Variants in CDH12 observed in about 807,000 individuals in gnomAD.
The protein encoded by CDH12 is cadherin-12.
In CDH12, 41 loss-of-function variants were observed where a neutral mutation model predicts 74.1. The ratio of observed to expected loss-of-function variants is 0.55; its 90% CI spans 0.43 to 0.72. CDH12 has a LOEUF of 0.72. Ranked by LOEUF, CDH12 falls within the 30% of genes least tolerant of loss-of-function variation. The pLI, the probability that CDH12 is intolerant of heterozygous loss-of-function variation, is 0.00. For synonymous variants in CDH12, 399 were observed against 355.0 expected (o/e 1.12, Z -1.39); for missense variants, 945 against 977.2 (o/e 0.97, Z 0.44).
Position 22,415,645 on chromosome 5 carries a change from G to C in CDH12, c.-427-10294C>G, listed in dbSNP as rs781215679. On this transcript the variant is annotated intron_variant, in intron 2 of 14. Transcript: ENST00000382254. ...ATTAGGAACAGGGCTGCCCTGCTGAGAGGCAGCGGGCCCCAGAAAAATGAG... is the reference window on the plus strand; with the variant it reads ...ATTAGGAACAGGGCTGCCCTGCTGACAGGCAGCGGGCCCCAGAAAAATGAG... Among the ~76,000 whole-genome samples the C allele has an allele frequency of 1.1e-4, 17 of 152,324 alleles. No individual in the cohort carries two copies. The Middle Eastern group carries it at 0.017, about 152-fold the overall frequency.
In CDH12 at chr5:22,348,339, C is replaced by T. The variant is rs1345533104; in HGVS notation, c.-333+56918G>A. On this transcript the variant is annotated intron_variant, in intron 3 of 14. Transcript: ENST00000382254. ...GAGGTTATTGTCAGTTTCCTGAAAT[C>T]GTGTATCCTAAGCTCCATTTATTTT... Among the ~76,000 whole-genome samples the T allele has an allele frequency of 9.2e-5, 14 of 152,286 alleles. No individual in the cohort carries two copies. The East Asian group carries it at 2.3e-3, about 25-fold the overall frequency.
intron 3 of CDH12, among the ~76,000 whole-genome samples, chr5:22,378,857 A>G (rs558714220): frequency 6.6e-5 from 10 of 152,246 alleles, no homozygotes; most frequent in African/African-American, 2.2e-4. Context: ...CCTAGGTCAT[A>G]AAGTATAATG....
chr5:22,693,597 T>C (rs905794204), intron 1 of CDH12, among the ~76,000 whole-genome samples: 5 of 152,158 alleles, frequency 3.3e-5, no homozygotes, highest in Non-Finnish European at 7.4e-5. Context: ...GTTGTACTCA[T>C]AAACCCAGTA....
rs200159822 is a variant in CDH12 at position 21,833,305 on chromosome 5, ATGT to A, written c.814+8853_814+8855del. Among the ~76,000 whole-genome samples the A allele has an allele frequency of 4.3e-4, 16 of 37,342 alleles. 1 individual carries two copies. Among genetic ancestry groups the A allele is most frequent in the Non-Finnish European group, 5.5e-4 (15 of 27,420 alleles). 24.5% of individuals were successfully genotyped at this position (37,342 alleles called of 152,430 possible). A position where few individuals can be genotyped will look rare whatever the true frequency, so the allele number is the denominator to read the frequency against. On this transcript the variant is annotated intron_variant, in intron 8 of 14. Transcript: ENST00000382254. ...TTATATAACATATAATATATATTAT[ATGT>A]TATATGTTATATAATATATATTATA...
chr5:22,187,587 A>G (rs1377581847), intron 4 of CDH12, among the ~76,000 whole-genome samples: 2 of 149,372 alleles, frequency 1.3e-5, no homozygotes, highest in Non-Finnish European at 3.0e-5. Context: ...GGCTGCCTAC[A>G]TTTCTTCCTG....
intron 8 of CDH12, among the ~76,000 whole-genome samples, chr5:21,837,655 A>G (rs1240063809): frequency 6.6e-6 from 1 of 152,186 alleles, no homozygotes; most frequent in Non-Finnish European, 1.5e-5. Flanking sequence ...ATATTCCTGC[A>G]AAAAGAGCAT....
At chr5:22,466,860 C>T (rs1745753360) in intron 2 of CDH12, among the ~76,000 whole-genome samples, 1 of 137,404 alleles carries the variant, frequency 7.3e-6, no homozygotes, top group Non-Finnish European at 1.5e-5. Context: ...GCAGTCTCGG[C>T]TCACTGCAAC....
chr5:22,840,212 C>T (rs1229033315), intron 1 of CDH12, among the ~76,000 whole-genome samples: 1 of 152,148 alleles, frequency 6.6e-6, no homozygotes, highest in Non-Finnish European at 1.5e-5. Flanking sequence ...CCTCTGCCTC[C>T]TGGGTTCAAG....
At chr5:22,439,899 G>C (rs1744556589) in intron 2 of CDH12, among the ~76,000 whole-genome samples, 1 of 151,916 alleles carries the variant, frequency 6.6e-6, no homozygotes, top group Non-Finnish European at 1.5e-5. Flanking sequence ...ATATAATAGG[G>C]AGCTCTTTGA....
intron 3 of CDH12, among the ~76,000 whole-genome samples, chr5:22,377,403 G>C (rs949366797): frequency 2.0e-5 from 3 of 152,100 alleles, no homozygotes; most frequent in Non-Finnish European, 4.4e-5. Context: ...CATGAACAGT[G>C]CCAGCTTTAC....
rs192402829 is a variant in CDH12 at position 22,593,497 on chromosome 5, C to T, written c.-522-88133G>A. Among the ~76,000 whole-genome samples the T allele has an allele frequency of 3.3e-5, 5 of 152,212 alleles. No individual in the cohort carries two copies. In the East Asian group the frequency reaches 9.7e-4, roughly 29 times the overall value. ...TTACCTTTCAAATTTTCTTATCCTT[C>T]CAATTTTACATCTCAACTCTCTGCT... On this transcript the variant is annotated intron_variant, in intron 1 of 14. Coordinates refer to ENST00000382254, the MANE Select transcript of CDH12 (RefSeq NM_004061.5).
chr5:21,893,590 T>C (rs7737957), intron 6 of CDH12, among the ~76,000 whole-genome samples: 146,990 of 152,262 alleles, frequency 0.97, 71,132 homozygotes, highest in Non-Finnish European at 1. Flanking sequence ...TTCAACTTTT[T>C]GAAAATAAGA....
intron 8 of CDH12, among the ~76,000 whole-genome samples, chr5:21,838,467 G>A (rs1561230346): frequency 6.6e-6 from 1 of 152,108 alleles, no homozygotes; most frequent in Non-Finnish European, 1.5e-5. Context: ...GGCTGAGACA[G>A]GAGAATTGCT....
chr5:22,781,861 G>T (rs1307333113), intron 1 of CDH12, among the ~76,000 whole-genome samples: 1 of 152,156 alleles, frequency 6.6e-6, no homozygotes, highest in Non-Finnish European at 1.5e-5. Flanking sequence ...AAGACCTTGG[G>T]AGTCCACCTC....
intron 1 of CDH12, among the ~76,000 whole-genome samples, chr5:22,538,855 T>A (rs1737977843): frequency 6.6e-6 from 1 of 152,180 alleles, no homozygotes; most frequent in South Asian, 2.1e-4. Context: ...AATATTTGTA[T>A]TAACACTTCA....
intron 2 of CDH12, among the ~76,000 whole-genome samples, chr5:22,503,282 C>T (rs1266203537): frequency 6.6e-6 from 1 of 152,032 alleles, no homozygotes; most frequent in Non-Finnish European, 1.5e-5. Flanking sequence ...AAATAATACA[C>T]TGCCCTATGT....
chr5:22,803,263 A>C (rs1413460424), intron 1 of CDH12, among the ~76,000 whole-genome samples: 2 of 152,160 alleles, frequency 1.3e-5, no homozygotes, highest in Non-Finnish European at 2.9e-5. Flanking sequence ...CATTTTTGCA[A>C]ATTTTACTTT....
chr5:21,886,925 T>C (rs1283652244), intron 6 of CDH12, among the ~76,000 whole-genome samples: 4 of 152,124 alleles, frequency 2.6e-5, no homozygotes, highest in African/African-American at 9.7e-5. Flanking sequence ...TGGCTATGAC[T>C]TGGGGCCGTG....
chr5:21,970,884 A>G (rs1280483674), intron 6 of CDH12, among the ~76,000 whole-genome samples: 1 of 147,684 alleles, frequency 6.8e-6, no homozygotes, highest in Non-Finnish European at 1.5e-5. Flanking sequence ...AGAAAAAAGA[A>G]AATAGTCTCT....
Sources: allele counts gnomAD v4.1 joint callset (sites outside exome capture counted in the v4.1 genomes callset), GRCh38; gene constraint gnomAD v4.1.1; transcripts MANE v1.5; gene names NCBI Gene and HGNC (gene_info 2026-07-23, HGNC 2026-07-21).